SLC16A1: variants seen among roughly 807,000 people sequenced by gnomAD.
SLC16A1 encodes the protein solute carrier family 16 member 1.
In SLC16A1, 11 loss-of-function variants were observed where a neutral mutation model predicts 32.2. That is an observed-to-expected ratio of 0.34 (90% CI 0.21 to 0.56). The LOEUF (loss-of-function observed/expected upper bound fraction) is 0.56. Ranked by LOEUF, SLC16A1 falls within the 20% of genes least tolerant of loss-of-function variation. The probability of loss-of-function intolerance (pLI) is 0.87; values close to 1 mark genes in which losing one functional copy is unlikely to be tolerated. For synonymous variants in SLC16A1, 231 were observed against 226.8 expected (o/e 1.02, Z -0.17); for missense variants, 435 against 615.0 (o/e 0.71, Z 3.10).
At chr1:112,922,996 C>T (rs530218368) in intron 2 of SLC16A1, among the ~76,000 whole-genome samples, 7 of 152,038 alleles carry the variant, frequency 4.6e-5, no homozygotes, top group Admixed American at 3.3e-4. Context: ...CTGTAAGCTC[C>T]GCCTCCCGGG....
chr1:112,923,681 C>T (rs1314628034), intron 2 of SLC16A1: 1 of 1,523,960 alleles, frequency 6.6e-7, no homozygotes. Context: ...ACCTCTTCTA[C>T]CTGCTCAGGC....
chr1:112,918,474 A>G (rs539808758), intron 3 of SLC16A1, among the ~76,000 whole-genome samples: 1 of 152,336 alleles, frequency 6.6e-6, no homozygotes, highest in Admixed American at 6.5e-5. Flanking sequence ...AAGATCATTA[A>G]GTCGACAGTA....
At chr1:112,922,177 C>T (rs1223778408) in intron 2 of SLC16A1, 44 bp from the exon 3 acceptor site, 8 of 1,580,522 alleles carry the variant, frequency 5.1e-6, no homozygotes, top group Non-Finnish European at 6.1e-6. Context: ...GAAACTGCTC[C>T]CTCACATCTA....
At chr1:112,929,570 G>A (rs879715521) in intron 1 of SLC16A1, among the ~76,000 whole-genome samples, 1 of 152,206 alleles carries the variant, frequency 6.6e-6, no homozygotes. Context: ...AATTAGCTGG[G>A]TATGGTGGAG....
intron 2 of SLC16A1, among the ~76,000 whole-genome samples, chr1:112,924,894 A>C (rs1055053588): frequency 2.0e-5 from 3 of 152,144 alleles, no homozygotes; most frequent in Non-Finnish European, 2.9e-5. Flanking sequence ...AACAAAAAAA[A>C]CCCACCCAAA....
Position 112,917,800 on chromosome 1 carries a change from T to G in SLC16A1, c.606A>C (p.Pro202=). The change falls in exon 4 of 5, where the codon CCA becomes CCC. Residue 202 remains proline, a synonymous_variant. Coordinates refer to ENST00000369626, the MANE Select transcript of SLC16A1 (RefSeq NM_003051.4). This position sits in a 1 kb window ranked among gnomAD's most constrained non-coding sequence, Gnocchi z 4.1. ...GALMRPIGPK[P]TKAGKDKSKA... is the part of the protein sequence containing the mutation. ...TAGACTTATCTTTCCCTGCCTTGGT[T>G]GGCTTGGGCCCGATTGGTCGCATGA... 6 of 1,614,238 alleles carry G rather than the reference T, an allele frequency of 3.7e-6. No homozygotes were observed. Among genetic ancestry groups the G allele is most frequent in the Non-Finnish European group, 5.1e-6 (6 of 1,180,046 alleles).
At chr1:112,952,552 T>C (rs1010263748) in intron 1 of SLC16A1, among the ~76,000 whole-genome samples, 1 of 152,186 alleles carries the variant, frequency 6.6e-6, no homozygotes, top group African/African-American at 2.4e-5. Flanking sequence ...GGTAATGGCA[T>C]TGTGGTTATG....
Position 112,940,389 on chromosome 1 carries a change from TGA to T in SLC16A1, c.-44-11039_-44-11038del, listed in dbSNP as rs200668239. ...AAGTGAAATCTAAAGACCTCAATCG[TGA>T]GAGAGTCTTGAGGTCCTTGAAGGAT... is the stretch of plus-strand genomic sequence containing the variant. On this transcript the variant is annotated intron_variant, in intron 1 of 4. Coordinates refer to ENST00000369626, the MANE Select transcript of SLC16A1 (RefSeq NM_003051.4). Among the ~76,000 whole-genome samples, 750 of 152,220 alleles carry T rather than the reference TGA, an allele frequency of 4.9e-3. 9 individuals carry two copies. Among genetic ancestry groups the T allele is most frequent in the African/African-American group, 0.017 (717 of 41,532 alleles).
chr1:112,951,239 T>C (rs1649879700), intron 1 of SLC16A1, among the ~76,000 whole-genome samples: 2 of 151,362 alleles, frequency 1.3e-5, no homozygotes, highest in Admixed American at 6.6e-5. Context: ...AAATGAAAAG[T>C]GGGGGGTTGG....
At chr1:112,916,573 A>C (rs973163869) in intron 4 of SLC16A1, among the ~76,000 whole-genome samples, 12 of 151,546 alleles carry the variant, frequency 7.9e-5, no homozygotes, top group Admixed American at 2.6e-4. Flanking sequence ...CTAGCGCTTT[A>C]AAGATTGGGT....
In SLC16A1 at chr1:112,923,852, C is replaced by G. The variant is rs61735887; in HGVS notation, c.218-1719G>C. 7.8e-4 allele frequency: 1,181 copies of G among 1,511,380 alleles called. 15 individuals carry two copies. The African/African-American group carries it at 0.015, about 19-fold the overall frequency. The allele number at this position is 1,511,380 out of a possible 1,614,324, so 93.6% of individuals were successfully genotyped here. A position where few individuals can be genotyped will look rare whatever the true frequency, so the allele number is the denominator to read the frequency against. ...ATGGCTGGACCCTGCCCACTGTGTA[C>G]CAGGGCATGTACAACGCCACCACCC... On this transcript the variant is annotated intron_variant, in intron 2 of 4. Coordinates refer to ENST00000369626, the MANE Select transcript of SLC16A1 (RefSeq NM_003051.4).
intron 3 of SLC16A1, among the ~76,000 whole-genome samples, chr1:112,920,244 A>G (rs1483126843): frequency 2.0e-5 from 3 of 152,206 alleles, no homozygotes; most frequent in African/African-American, 7.2e-5. Flanking sequence ...AGGCCGAGGC[A>G]GGCGGATCAC....
chr1:112,954,182 G>T (rs1649997640), intron 1 of SLC16A1, among the ~76,000 whole-genome samples: 1 of 152,176 alleles, frequency 6.6e-6, no homozygotes, highest in South Asian at 2.1e-4. Context: ...TTTACGCAGA[G>T]ATCTTAATCT....
chr1:112,929,770 C>A (rs1649065157), intron 1 of SLC16A1, among the ~76,000 whole-genome samples: 1 of 152,082 alleles, frequency 6.6e-6, no homozygotes, highest in Admixed American at 6.6e-5. Context: ...TCACTTGAAC[C>A]TGGGAGGTAG....
intron 1 of SLC16A1, among the ~76,000 whole-genome samples, chr1:112,942,914 A>G (rs925735601): frequency 1.1e-4 from 17 of 152,202 alleles, no homozygotes; most frequent in Non-Finnish European, 2.2e-4. Flanking sequence ...CTAGCATGCA[A>G]ACTTAAAGGT....
intron 1 of SLC16A1, among the ~76,000 whole-genome samples, chr1:112,946,976 C>T (rs1393336465): frequency 6.6e-6 from 1 of 152,176 alleles, no homozygotes; most frequent in Admixed American, 6.5e-5. Flanking sequence ...TGGCTACTAC[C>T]TAAGTTGAGA....
chr1:112,925,778 A>G (rs781535376), intron 2 of SLC16A1, among the ~76,000 whole-genome samples: 8 of 152,226 alleles, frequency 5.3e-5, no homozygotes, highest in Non-Finnish European at 8.8e-5. Flanking sequence ...CATAGAGTCT[A>G]TTTCTAAAAA....
At chr1:112,945,243 C>T (rs1649657503) in intron 1 of SLC16A1, among the ~76,000 whole-genome samples, 1 of 151,810 alleles carries the variant, frequency 6.6e-6, no homozygotes, top group Non-Finnish European at 1.5e-5. Context: ...AGGCCACCCG[C>T]CTCAGCATCA....
At chr1:112,926,668 G>A (rs563141498) in intron 2 of SLC16A1, among the ~76,000 whole-genome samples, 4 of 152,094 alleles carry the variant, frequency 2.6e-5, no homozygotes, top group African/African-American at 7.2e-5. Flanking sequence ...GAGCCTAGGA[G>A]TTCAAGACCA....
Sources: allele counts gnomAD v4.1 joint callset (sites outside exome capture counted in the v4.1 genomes callset), GRCh38; gene constraint gnomAD v4.1.1; non-coding constraint Gnocchi (gnomAD v3.1); transcripts MANE v1.5; gene names NCBI Gene and HGNC (gene_info 2026-07-23, HGNC 2026-07-21).